Variants in RNLS observed in about 807,000 individuals in gnomAD.
The protein encoded by RNLS is renalase, FAD dependent amine oxidase.
In RNLS, 39 loss-of-function variants were observed where a neutral mutation model predicts 39.8. That is an observed-to-expected ratio of 0.98 (90% CI 0.76 to 1.28). RNLS has a LOEUF of 1.28. Ranked by LOEUF, RNLS falls within the 50% of genes most tolerant of loss-of-function variation. RNLS has a pLI of 0.00. For synonymous variants in RNLS, 147 were observed against 150.7 expected (o/e 0.98, Z 0.18); for missense variants, 410 against 413.3 (o/e 0.99, Z 0.07).
At chr10:88,267,655 TTAAGTC>T in the RNLS span, among the ~76,000 whole-genome samples, 8 of 152,246 alleles carry the variant, frequency 5.3e-5, no homozygotes, top group South Asian at 2.1e-4. Flanking sequence ...AATACATACT[TTAAGTC>T]TAACCAGGAG....
chr10:88,254,404 G>A, the RNLS span, among the ~76,000 whole-genome samples: 1 of 152,242 alleles, frequency 6.6e-6, no homozygotes, highest in Non-Finnish European at 1.5e-5. Flanking sequence ...TTGGGTAGCT[G>A]AACCTGCAAC....
chr10:88,251,834 A>G, the RNLS span, among the ~76,000 whole-genome samples: 3 of 152,232 alleles, frequency 2.0e-5, no homozygotes, highest in African/African-American at 7.2e-5. Flanking sequence ...CATTTCACCT[A>G]TGCTTTGTTG....
At chr10:88,298,199 C>T (rs1403858365) in intron 6 of RNLS, among the ~76,000 whole-genome samples, 7 of 150,432 alleles carry the variant, frequency 4.7e-5, no homozygotes, top group Non-Finnish European at 8.9e-5. Context: ...TTATTTTTTG[C>T]TGTTGTAAGA....
chr10:88,535,594 T>C (rs1344204222), intron 4 of RNLS, among the ~76,000 whole-genome samples: 1 of 151,440 alleles, frequency 6.6e-6, no homozygotes, highest in African/African-American at 2.4e-5. Flanking sequence ...AACTTAAAAG[T>C]TGGAAAAAAA....
chr10:88,542,168 A>T (rs1300979918), intron 4 of RNLS, among the ~76,000 whole-genome samples: 1 of 152,160 alleles, frequency 6.6e-6, no homozygotes, highest in Non-Finnish European at 1.5e-5. Context: ...AGAATAATCC[A>T]GGCCCCTCTC....
At chr10:88,419,027 C>T (rs535147291) in intron 4 of RNLS, among the ~76,000 whole-genome samples, 2 of 152,278 alleles carry the variant, frequency 1.3e-5, no homozygotes, top group African/African-American at 4.8e-5. Flanking sequence ...CCCCAATTTG[C>T]GCAGAGTTGC....
the RNLS span, among the ~76,000 whole-genome samples, chr10:88,252,206 T>C: frequency 6.6e-6 from 1 of 152,224 alleles, no homozygotes; most frequent in South Asian, 2.1e-4. Flanking sequence ...TCTCGTCATA[T>C]CCAATTTATG....
intron 6 of RNLS, among the ~76,000 whole-genome samples, chr10:88,314,220 G>C (rs933827993): frequency 1.3e-5 from 2 of 152,178 alleles, no homozygotes; most frequent in African/African-American, 4.8e-5. Context: ...ATCAAGGTTT[G>C]TAAGTCTTGA....
the RNLS span, among the ~76,000 whole-genome samples, chr10:88,203,323 T>C: frequency 9.6e-5 from 1 of 10,424 alleles, no homozygotes; most frequent in Non-Finnish European, 2.1e-4. Context: ...CGTATGTATA[T>C]ATATATATAT....
At chr10:88,285,935 C>T (rs1159664952) in intron 6 of RNLS, among the ~76,000 whole-genome samples, 3 of 152,022 alleles carry the variant, frequency 2.0e-5, no homozygotes, top group Admixed American at 2.0e-4. Flanking sequence ...CCTTATAAAA[C>T]AGGCCCAAGG....
At chr10:88,575,472 A>G (rs1199087059) in intron 3 of RNLS, among the ~76,000 whole-genome samples, 1 of 151,764 alleles carries the variant, frequency 6.6e-6, no homozygotes, top group Admixed American at 6.6e-5. Context: ...TATGAGAACC[A>G]CTGGGGTAGG....
chr10:88,507,131 T>C (rs1343419239), intron 4 of RNLS, among the ~76,000 whole-genome samples: 1 of 152,120 alleles, frequency 6.6e-6, no homozygotes, highest in Non-Finnish European at 1.5e-5. Context: ...TCACGGCCAA[T>C]GGCCAAGTTG....
intron 4 of RNLS, among the ~76,000 whole-genome samples, chr10:88,364,078 T>C (rs1849852930): frequency 1.3e-5 from 2 of 152,154 alleles, no homozygotes; most frequent in South Asian, 2.1e-4. Context: ...CTATCTCCAA[T>C]ACCCCTACCT....
the RNLS span, among the ~76,000 whole-genome samples, chr10:88,172,854 T>G: frequency 1.6e-5 from 1 of 60,752 alleles, no homozygotes; most frequent in Admixed American, 1.7e-4. Context: ...TTTTTTTTTT[T>G]TTTTTTTTTT....
At chr10:88,310,324 C>T (rs181889110) in intron 6 of RNLS, among the ~76,000 whole-genome samples, 15 of 152,190 alleles carry the variant, frequency 9.9e-5, no homozygotes, top group East Asian at 3.9e-4. Context: ...CAGGTAATAG[C>T]GGTATAACAT....
intron 4 of RNLS, among the ~76,000 whole-genome samples, chr10:88,421,991 T>C (rs1252329103): frequency 4.6e-5 from 7 of 152,208 alleles, no homozygotes; most frequent in Non-Finnish European, 2.9e-5. Flanking sequence ...TCTTGTCTTA[T>C]CTGTACTTGG....
intron 4 of RNLS, among the ~76,000 whole-genome samples, chr10:88,424,177 G>A (rs1342877774): frequency 6.6e-6 from 1 of 152,190 alleles, no homozygotes; most frequent in African/African-American, 2.4e-5. Context: ...CTGAAGCTTT[G>A]CTTGTTCCAC....
chr10:88,275,144 G>A, intron 6 of RNLS: 2 of 769,256 alleles, frequency 2.6e-6, no homozygotes, highest in East Asian at 2.7e-5. Flanking sequence ...ATATAGACCT[G>A]GAATGGGGAG....
At chr10:88,492,605 G>A (rs1035540341) in intron 4 of RNLS, among the ~76,000 whole-genome samples, 2 of 151,896 alleles carry the variant, frequency 1.3e-5, no homozygotes, top group Non-Finnish European at 1.5e-5. Context: ...TTTCTGTAGA[G>A]ACGGAGATTC....
Sources: gnomAD v4.1 joint callset for allele counts (sites outside exome capture counted in the v4.1 genomes callset) on GRCh38, gnomAD v4.1.1 for gene constraint, MANE v1.5 for transcripts, NCBI Gene and HGNC (gene_info 2026-07-23, HGNC 2026-07-21) for gene names.